NCMAP: variants seen among roughly 807,000 people sequenced by gnomAD.
NCMAP encodes the protein non-compact myelin associated protein, also known as noncompact myelin-associated protein.
Under a neutral mutation model 7.8 loss-of-function variants are expected in NCMAP, and 8 were observed. The observed-to-expected ratio is 1.02, with a 90% confidence interval of 0.60 to 1.84. The LOEUF is 1.84. NCMAP is among the 40% of genes most tolerant of loss of function. The probability of loss-of-function intolerance (pLI) is 0.00; values close to 1 mark genes in which losing one functional copy is unlikely to be tolerated. For synonymous variants in NCMAP, 41 were observed against 52.9 expected (o/e 0.78, Z 0.98); for missense variants, 112 against 131.4 (o/e 0.85, Z 0.72).
chr1:24,597,694 G>GAAAAAGAAGGAA (rs138105001), intron 2 of NCMAP, among the ~76,000 whole-genome samples: 2 of 127,818 alleles, frequency 1.6e-5, no homozygotes, highest in Middle Eastern at 4.5e-3. Flanking sequence ...AAGAAAGAAA[G>GAAAAAGAAGGAA]AGAAAGAAGG....
At chr1:24,601,560 TA>T (rs1052230809) in intron 3 of NCMAP, among the ~76,000 whole-genome samples, 1 of 152,068 alleles carries the variant, frequency 6.6e-6, no homozygotes, top group Non-Finnish European at 1.5e-5. Context: ...AAATCAAAAT[TA>T]AAAAACTATA....
intron 2 of NCMAP, 125 bp downstream of exon 2, chr1:24,595,637 C>T (rs1652198333): frequency 1.5e-5 from 10 of 660,758 alleles, no homozygotes; most frequent in Admixed American, 8.0e-5. Flanking sequence ...AGTTCTGCCA[C>T]GTGCCAACTG....
At chr1:24,574,409 G>A (rs1048678605) in intron 1 of NCMAP, among the ~76,000 whole-genome samples, 4 of 151,890 alleles carry the variant, frequency 2.6e-5, no homozygotes, top group Non-Finnish European at 5.9e-5. Context: ...ATGAGCCACC[G>A]CGCCCGGCCA....
intron 3 of NCMAP, 99 bp from the exon 4 acceptor site, chr1:24,605,507 A>G: frequency 1.5e-6 from 2 of 1,369,046 alleles, no homozygotes; most frequent in South Asian, 2.7e-5. Flanking sequence ...GTCTACATTA[A>G]TCTACATTAA....
In NCMAP at chr1:24,591,053, C is replaced by T. The variant is rs148817388; in HGVS notation, c.-7-4371C>T. 3.3e-3 allele frequency among the ~76,000 whole-genome samples: 491 copies of T among 147,104 alleles called. 3 individuals are homozygous for T. The highest frequency in any genetic ancestry group is 0.021 in the South Asian group (99 of 4,692). ...CGGCGAAGGAGAGAAGACCCAGACA[C>T]TTTATCTGAGGAAGGTAAAAGGATA... On this transcript the variant is annotated intron_variant, in intron 1 of 3. Transcript: ENST00000374392.
intron 1 of NCMAP, among the ~76,000 whole-genome samples, chr1:24,577,401 G>GCTT (rs1651604754): frequency 2.5e-5 from 1 of 39,956 alleles, no homozygotes; most frequent in African/African-American, 1.1e-4. Context: ...CACTGGCCTT[G>GCTT]TTTTTTTTTT....
intron 1 of NCMAP, among the ~76,000 whole-genome samples, chr1:24,584,069 C>A (rs908880935): frequency 6.6e-5 from 10 of 152,178 alleles, no homozygotes; most frequent in Admixed American, 2.6e-4. Flanking sequence ...CCTAGAATAT[C>A]GAGGTGGCAT....
intron 1 of NCMAP, among the ~76,000 whole-genome samples, chr1:24,584,912 G>A (rs530999846): frequency 2.3e-4 from 34 of 144,864 alleles, no homozygotes; most frequent in African/African-American, 8.3e-4. Flanking sequence ...TGATTGAATG[G>A]ATGGGAGGAC....
At chr1:24,597,595 AAGAAAGAAAGAAAGAAAGAAAG>A (rs1193711964) in intron 2 of NCMAP, among the ~76,000 whole-genome samples, 12 of 87,558 alleles carry the variant, frequency 1.4e-4, no homozygotes, top group African/African-American at 6.4e-4. Context: ...GAGAAGAAAG[AAGAAAGAAAGAAAGAAAGAAAG>A]AGAAAGAAAG....
chr1:24,557,532 CATA>C (rs1412809110), intron 1 of NCMAP, among the ~76,000 whole-genome samples: 3 of 152,088 alleles, frequency 2.0e-5, no homozygotes, highest in African/African-American at 7.2e-5. Context: ...GAAGAGGGCA[CATA>C]ATACCCTGGA....
chr1:24,574,183 A>T (rs1651478766), intron 1 of NCMAP, among the ~76,000 whole-genome samples: 1 of 149,564 alleles, frequency 6.7e-6, no homozygotes, highest in Admixed American at 6.6e-5. Context: ...GTGCAGTGGA[A>T]TCTTGGCTCA....
At chr1:24,597,389 A>G (rs1652264773) in intron 2 of NCMAP, among the ~76,000 whole-genome samples, 1 of 150,732 alleles carries the variant, frequency 6.6e-6, no homozygotes, top group African/African-American at 2.4e-5. Context: ...CTGTAGTCCT[A>G]GCTACTTGGG....
intron 1 of NCMAP, among the ~76,000 whole-genome samples, chr1:24,565,412 C>G (rs1218046117): frequency 6.6e-6 from 1 of 150,426 alleles, no homozygotes; most frequent in East Asian, 1.9e-4. Flanking sequence ...CACTTGTTCT[C>G]TTTTCAACAA....
chr1:24,597,653 AAGAAAGAAAG>A (rs1284218949), intron 2 of NCMAP, among the ~76,000 whole-genome samples: 1 of 138,480 alleles, frequency 7.2e-6, no homozygotes, highest in South Asian at 2.5e-4. Context: ...GAAAGAAAGA[AAGAAAGAAAG>A]AAAGAAAGAA....
intron 1 of NCMAP, among the ~76,000 whole-genome samples, chr1:24,561,910 CAAAA>C (rs5773094): frequency 5.1e-5 from 7 of 137,042 alleles, no homozygotes; most frequent in Admixed American, 7.2e-5. Context: ...GACTTCGTCT[CAAAA>C]AAAAAAAAAA....
At chr1:24,560,677 G>A (rs1158012276) in intron 1 of NCMAP, among the ~76,000 whole-genome samples, 2 of 152,056 alleles carry the variant, frequency 1.3e-5, no homozygotes, top group African/African-American at 4.8e-5. Flanking sequence ...CCAGGAGGTT[G>A]AGGCTGTCGT....
chr1:24,582,549 C>T (rs925559612), intron 1 of NCMAP, among the ~76,000 whole-genome samples: 7 of 151,948 alleles, frequency 4.6e-5, no homozygotes, highest in African/African-American at 7.3e-5. Context: ...TCAGAGAGAG[C>T]GAGGTAAGAC....
intron 1 of NCMAP, among the ~76,000 whole-genome samples, chr1:24,592,775 C>T (rs928720556): frequency 3.3e-5 from 5 of 151,884 alleles, no homozygotes; most frequent in Non-Finnish European, 7.4e-5. Flanking sequence ...AAAAATTAGC[C>T]GGGAGTGGTG....
Position 24,600,975 on chromosome 1 carries a change from G to A in NCMAP, c.118G>A (p.Val40Ile). The A allele has an allele frequency of 6.2e-7, 1 of 1,614,146 alleles. No individual in the cohort carries two copies. Among genetic ancestry groups the A allele is most frequent in the Non-Finnish European group, 8.5e-7 (1 of 1,180,022 alleles). Residue 40 changes from valine to isoleucine, a missense_variant, in exon 3 of 4, where the codon GTC becomes ATC. Physicochemically the swap from Val to Ile is conservative, Grantham distance 29. Transcript: ENST00000374392. ...CATTGTTGCTGCCGTTGTGGTGGTT[G>A]TCATCATCATCTTCACCGTGGTTCT... Reference protein sequence around the residue: ...GAIVAAVVVVVIIIFTVVLIL... With the variant: ...GAIVAAVVVVIIIIFTVVLIL...
Sources: allele counts gnomAD v4.1 joint callset (sites outside exome capture counted in the v4.1 genomes callset), GRCh38; gene constraint gnomAD v4.1.1; transcripts MANE v1.5; gene names NCBI Gene and HGNC (gene_info 2026-07-23, HGNC 2026-07-21).